THAP4: variants seen among roughly 807,000 people sequenced by gnomAD.
THAP4 encodes THAP domain containing 4.
In THAP4, 18 loss-of-function variants were observed where a neutral mutation model predicts 48.1. The observed-to-expected ratio is 0.37, with a 90% CI of 0.26 to 0.56. THAP4 has a LOEUF of 0.56. THAP4 is among the 20% of genes least tolerant of loss of function. The pLI is 0.78. For missense variants in THAP4, 656 were observed against 774.9 expected, an observed-to-expected ratio of 0.85 and a Z score of 1.82; for synonymous variants, 345 against 324.9, an observed-to-expected ratio of 1.06 and a Z score of -0.66.
rs2067117287 is a variant in THAP4 at position 241,601,863 on chromosome 2, A to C, written c.1614+33T>G. 1 of 1,612,516 alleles carries C rather than the reference A, an allele frequency of 6.2e-7. No homozygotes were observed. Among genetic ancestry groups the C allele is most frequent in the African/African-American group, 1.3e-5 (1 of 74,990 alleles). On this transcript the variant is annotated intron_variant, in intron 5 of 5. Coordinates refer to ENST00000407315, the MANE Select transcript of THAP4 (RefSeq NM_015963.6). The surrounding 1 kb of genome is among the most constrained non-coding windows in gnomAD (Gnocchi z 4.0). ...CTCCACAGACCGCTGCAAACAGAAG[A>C]CAGGAGCGTGCTGGGAGCAGGGCTG...
At chr2:241,592,766 G>A (rs568239637) in intron 5 of THAP4, among the ~76,000 whole-genome samples, 6 of 152,342 alleles carry the variant, frequency 3.9e-5, no homozygotes, top group Middle Eastern at 3.4e-3. Context: ...TGCAGACACC[G>A]TGTCTGACGC....
chr2:241,617,605 A>C, intron 2 of THAP4: 1 of 723,450 alleles, frequency 1.4e-6, no homozygotes, highest in Non-Finnish European at 2.2e-6. Context: ...AAAGACAATG[A>C]CAGCCCAGAT....
intron 2 of THAP4, 26 bp downstream of exon 2, chr2:241,632,891 T>G: frequency 6.5e-7 from 1 of 1,531,094 alleles, no homozygotes; most frequent in South Asian, 1.3e-5. Flanking sequence ...GAAGGGAACA[T>G]GGGTACGCGA....
At chr2:241,637,522 G>A (rs2067699663), upstream of THAP4, 1 of 1,438,220 alleles carries the variant, frequency 7.0e-7, no homozygotes. Context: ...CCGCCCGCAG[G>A]GCGCCCCGGG....
At chr2:241,632,595 TA>T (rs774001892) in intron 2 of THAP4, among the ~76,000 whole-genome samples, 7 of 152,206 alleles carry the variant, frequency 4.6e-5, no homozygotes, top group Non-Finnish European at 8.8e-5. Flanking sequence ...TTCTGTTGCA[TA>T]AGGTATGAAA....
chr2:241,593,473 C>T (rs937612212), intron 5 of THAP4, among the ~76,000 whole-genome samples: 2 of 152,054 alleles, frequency 1.3e-5, no homozygotes, highest in South Asian at 2.1e-4. Context: ...AGCCACAGAA[C>T]GTGAGGGGCT....
At chr2:241,603,135 G>T in intron 3 of THAP4, 56 bp from the exon 4 acceptor site, 1 of 1,435,396 alleles carries the variant, frequency 7.0e-7, no homozygotes, top group Non-Finnish European at 9.8e-7. Context: ...GATGGCGTGG[G>T]CTGCGTGGAT....
intron 2 of THAP4, among the ~76,000 whole-genome samples, chr2:241,630,200 G>A (rs754283872): frequency 2.3e-4 from 35 of 152,154 alleles, no homozygotes; most frequent in Non-Finnish European, 1.8e-4. Flanking sequence ...GGGGCATCGA[G>A]GCTGGAATTA....
rs1408155313 is a variant in THAP4 at position 241,633,676 on chromosome 2, C to T, written c.481G>A (p.Ala161Thr). Residue 161 changes from alanine (A) to threonine (T), a missense_variant, in exon 2 of 6, where the codon GCC becomes ACC. Coordinates refer to ENST00000407315, the MANE Select transcript of THAP4 (RefSeq NM_015963.6). This position sits in a 1 kb window ranked among gnomAD's most constrained non-coding sequence, Gnocchi z 7.5. ...TGCTGGGCCTGCTCCTGGCTGGCGG[C>T]CTCCTGGGCCGCCCTGGGTGTGGCT... ...GEATPRAAQEAASQEQAQQAL... is the reference protein window; with the variant it reads ...GEATPRAAQETASQEQAQQAL... The T allele has an allele frequency of 2.5e-6, 4 of 1,611,312 alleles. No individual in the cohort carries two copies. Among genetic ancestry groups the T allele is most frequent in the Non-Finnish European group, 3.4e-6 (4 of 1,179,774 alleles).
chr2:241,622,022 AG>A (rs2067434181), intron 2 of THAP4, among the ~76,000 whole-genome samples: 1 of 152,232 alleles, frequency 6.6e-6, no homozygotes, highest in Non-Finnish European at 1.5e-5. Flanking sequence ...GGAGAAGTAA[AG>A]AACTTACTTT....
At chr2:241,604,651 C>G (rs1468308626) in intron 3 of THAP4, among the ~76,000 whole-genome samples, 1 of 152,152 alleles carries the variant, frequency 6.6e-6, no homozygotes, top group African/African-American at 2.4e-5. Flanking sequence ...TTCTAGTGAT[C>G]CACCTGCCTT....
intron 2 of THAP4, among the ~76,000 whole-genome samples, chr2:241,613,272 G>A (rs1396637958): frequency 7.4e-6 from 1 of 135,128 alleles, no homozygotes; most frequent in East Asian, 2.2e-4. Context: ...AATGTACTAA[G>A]CCAAAAAAAA....
At chr2:241,628,925 C>CAAAAAAAAAAAAA (rs34034619) in intron 2 of THAP4, among the ~76,000 whole-genome samples, 1 of 64,348 alleles carries the variant, frequency 1.6e-5, no homozygotes. Context: ...GAGATTGTCT[C>CAAAAAAAAAAAAA]AAAAAAAAAA....
At chr2:241,617,547 C>T (rs954598956) in intron 2 of THAP4, 3 of 1,296,458 alleles carry the variant, frequency 2.3e-6, no homozygotes, top group Middle Eastern at 1.8e-4. Flanking sequence ...ATGGTGCATT[C>T]TGGGAATTGT....
rs1248814055 is a variant in THAP4 at position 241,608,868 on chromosome 2, A to AG, written c.1241-2396dup. Among the ~76,000 whole-genome samples the AG allele has an allele frequency of 8.5e-5, 13 of 152,252 alleles. No individual in the cohort carries two copies. In the East Asian group the frequency reaches 2.3e-3, roughly 27 times the overall value. On this transcript the variant is annotated intron_variant, in intron 2 of 5. Transcript: ENST00000407315. ...CCTGAGAAGTGTGCACAGACCAGGCAGGGGATCAGGGTCCCTGCAGCTACC... is the reference window on the plus strand; with the variant it reads ...CCTGAGAAGTGTGCACAGACCAGGCAGGGGGATCAGGGTCCCTGCAGCTACC...
intron 2 of THAP4, among the ~76,000 whole-genome samples, chr2:241,614,388 A>G (rs1355878439): frequency 6.6e-6 from 1 of 152,188 alleles, no homozygotes; most frequent in Non-Finnish European, 1.5e-5. Flanking sequence ...TGAAGACGTA[A>G]CCGTGAGGGA....
intron 2 of THAP4, among the ~76,000 whole-genome samples, chr2:241,625,705 G>C (rs1205020767): frequency 7.0e-6 from 1 of 143,838 alleles, no homozygotes; most frequent in Non-Finnish European, 1.5e-5. Flanking sequence ...GGCTGAGGCA[G>C]GAGAATTGCT....
chr2:241,589,660 C>T (rs2066933457), intron 5 of THAP4, among the ~76,000 whole-genome samples: 1 of 151,358 alleles, frequency 6.6e-6, no homozygotes. Flanking sequence ...TACCACAGAA[C>T]CCAGCAGTTC....
intron 2 of THAP4, among the ~76,000 whole-genome samples, chr2:241,614,928 G>C (rs1207424081): frequency 6.6e-6 from 1 of 151,644 alleles, no homozygotes; most frequent in Non-Finnish European, 1.5e-5. Flanking sequence ...CAAAACTAAG[G>C]AATGCCTTCT....
Sources: allele counts gnomAD v4.1 joint callset (sites outside exome capture counted in the v4.1 genomes callset), GRCh38; gene constraint gnomAD v4.1.1; non-coding constraint Gnocchi (gnomAD v3.1); transcripts MANE v1.5; gene names NCBI Gene and HGNC (gene_info 2026-07-23, HGNC 2026-07-21).